The following DMD variants were observed in gnomAD, a reference collection of about 807,000 sequenced individuals.
The protein encoded by DMD is dystrophin.
In DMD, 63 loss-of-function variants were observed where a neutral mutation model predicts 330.1. That is an observed-to-expected ratio of 0.19 (90% confidence interval 0.16 to 0.24). DMD has a LOEUF of 0.24. Among genes scored for constraint, DMD ranks in the 10% least tolerant of loss-of-function variants. DMD has a pLI of 1.00. For missense variants in DMD, 3,344 were observed against 2,684.1 expected, an observed-to-expected ratio of 1.25 and a Z score of -5.43; for synonymous variants, 1,223 against 959.8, an observed-to-expected ratio of 1.27 and a Z score of -5.07.
At chrX:32,587,156 A>G (rs946717871) in intron 13 of DMD, among the ~76,000 whole-genome samples, 5 of 111,947 alleles carry the variant, frequency 4.5e-5, no homozygotes, top group African/African-American at 1.6e-4. Context: ...CCTAACTGAC[A>G]TTTAGGTGAT....
intron 1 of DMD, among the ~76,000 whole-genome samples, chrX:33,269,417 C>A (rs919791029): frequency 3.6e-5 from 4 of 110,758 alleles, no homozygotes; most frequent in Non-Finnish European, 7.5e-5. Context: ...ATGAGAACAA[C>A]AGACACTGTG....
intron 7 of DMD, among the ~76,000 whole-genome samples, chrX:32,727,568 G>A (rs1337043049): frequency 3.6e-5 from 4 of 110,041 alleles, no homozygotes; most frequent in South Asian, 7.6e-4. Context: ...AATACTTGAC[G>A]TTCCTATGCT....
chrX:31,322,004 C>T (rs1360665749), intron 62 of DMD, among the ~76,000 whole-genome samples: 1 of 111,737 alleles, frequency 8.9e-6, no homozygotes, highest in Non-Finnish European at 1.9e-5. Flanking sequence ...CGGGGAGACC[C>T]TAGCAATCCA....
chrX:32,883,823 CAAAAAAAAAAAA>C (rs56150142), intron 2 of DMD, among the ~76,000 whole-genome samples: 5,842 of 30,403 alleles, frequency 0.19, 269 homozygotes, highest in Middle Eastern at 0.41. Flanking sequence ...GACTCTGTTT[CAAAAAAAAAAAA>C]AAAAAAAAAA....
intron 1 of DMD, among the ~76,000 whole-genome samples, chrX:33,206,076 A>G (rs918591482): frequency 2.7e-5 from 3 of 111,625 alleles, no homozygotes; most frequent in African/African-American, 9.7e-5. Flanking sequence ...CTCTTCGTTG[A>G]CACAACCACA....
intron 2 of DMD, among the ~76,000 whole-genome samples, chrX:33,013,751 C>T (rs2093745174): frequency 8.9e-6 from 1 of 112,603 alleles, no homozygotes; most frequent in African/African-American, 3.2e-5. Context: ...GTCCCAGTAT[C>T]ATCCTTTTTT....
chrX:32,390,031 C>A, intron 31 of DMD, 40 bp downstream of exon 31: 1 of 1,072,570 alleles, frequency 9.3e-7, no homozygotes, highest in Non-Finnish European at 1.3e-6. Flanking sequence ...GTATAATGCC[C>A]AACGAAAACA....
intron 63 of DMD, among the ~76,000 whole-genome samples, chrX:31,248,430 G>T (rs938411006): frequency 8.9e-6 from 1 of 112,101 alleles, no homozygotes; most frequent in Non-Finnish European, 1.9e-5. Context: ...CAGATAATTT[G>T]TTTTAATTGC....
intron 21 of DMD, among the ~76,000 whole-genome samples, chrX:32,481,119 T>C (rs1405992152): frequency 9.0e-6 from 1 of 110,738 alleles, no homozygotes; most frequent in Non-Finnish European, 1.9e-5. Flanking sequence ...GAGCTTGAAA[T>C]TGTGGCCATG....
chrX:32,440,538 CAT>C (rs1366285664), intron 28 of DMD, among the ~76,000 whole-genome samples: 2 of 111,265 alleles, frequency 1.8e-5, no homozygotes, highest in East Asian at 5.7e-4. Flanking sequence ...TCTAAAACAA[CAT>C]ATTCATTACA....
chrX:32,298,419 G>A (rs73619051), intron 42 of DMD, among the ~76,000 whole-genome samples: 2,580 of 110,382 alleles, frequency 0.023, 76 homozygotes, highest in African/African-American at 0.079. Context: ...ATTAACTATA[G>A]TGTAGAAAAC....
chrX:31,150,168 TCTC>T (rs1365551582), intron 74 of DMD, among the ~76,000 whole-genome samples: 3 of 111,865 alleles, frequency 2.7e-5, no homozygotes, highest in Non-Finnish European at 5.7e-5. Context: ...TTTGTTAGTT[TCTC>T]CTTTTAATTC....
chrX:32,307,276 G>C (rs187934286), intron 42 of DMD, among the ~76,000 whole-genome samples: 192 of 111,286 alleles, frequency 1.7e-3, no homozygotes, highest in African/African-American at 6.0e-3. Flanking sequence ...CTTAATCCTG[G>C]AACAGAATTT....
intron 50 of DMD, among the ~76,000 whole-genome samples, chrX:31,809,356 G>A (rs1445966228): frequency 1.8e-5 from 2 of 108,354 alleles, no homozygotes; most frequent in East Asian, 5.8e-4. Context: ...TTTAGTTCCT[G>A]GTTTTTAATA....
chrX:32,623,857 G>T (rs1004418250), intron 11 of DMD, among the ~76,000 whole-genome samples: 18 of 111,913 alleles, frequency 1.6e-4, no homozygotes, highest in African/African-American at 5.9e-4. Flanking sequence ...GATAGTGGTA[G>T]GTTAAAGAGC....
intron 55 of DMD, among the ~76,000 whole-genome samples, chrX:31,587,029 G>A (rs1355076829): frequency 9.0e-6 from 1 of 110,919 alleles, no homozygotes; most frequent in Non-Finnish European, 1.9e-5. Flanking sequence ...ATTTTAGACT[G>A]ACAAAAAATA....
intron 5 of DMD, 122 bp from the exon 6 acceptor site, chrX:32,816,762 A>G: frequency 1.6e-6 from 1 of 624,823 alleles, no homozygotes; most frequent in East Asian, 3.5e-5. Flanking sequence ...ATTAGTAATG[A>G]GACATAATAG....
chrX:31,584,898 C>A (rs186110571), intron 55 of DMD, among the ~76,000 whole-genome samples: 1 of 111,157 alleles, frequency 9.0e-6, no homozygotes, highest in African/African-American at 3.3e-5. Flanking sequence ...TCAGAGGAGA[C>A]GGAATTTAGA....
intron 57 of DMD, among the ~76,000 whole-genome samples, chrX:31,481,388 G>T (rs2068276258): frequency 8.9e-6 from 1 of 111,983 alleles, no homozygotes; most frequent in South Asian, 3.7e-4. Context: ...GCAATTGTAA[G>T]AATTCAGTGC....
Sources: gnomAD v4.1 joint callset for allele counts (sites outside exome capture counted in the v4.1 genomes callset) on GRCh38, gnomAD v4.1.1 for gene constraint, MANE v1.5 for transcripts, NCBI Gene and HGNC (gene_info 2026-07-23, HGNC 2026-07-21) for gene names.